The following RFX3 variants were observed in gnomAD, a reference collection of about 807,000 sequenced individuals.
The protein encoded by RFX3 is regulatory factor X3.
RFX3 carries 14 observed loss-of-function variants against 98.6 expected under a neutral mutation model. The observed-to-expected ratio is 0.14, with a 90% CI of 0.09 to 0.22. The LOEUF (loss-of-function observed/expected upper bound fraction) is 0.22. RFX3 is among the 10% of genes least tolerant of loss of function. RFX3 has a pLI of 1.00. For synonymous variants in RFX3, 383 were observed against 328.4 expected (o/e 1.17, Z -1.80); for missense variants, 639 against 926.9 (o/e 0.69, Z 4.03).
intron 15 of RFX3, chr9:3,247,479 G>T: frequency 2.9e-6 from 2 of 685,560 alleles, no homozygotes; most frequent in Non-Finnish European, 3.7e-6. Flanking sequence ...TTGTAAAACA[G>T]AATAAAGTAG....
At chr9:3,515,683 C>T (rs974009995) in intron 1 of RFX3, among the ~76,000 whole-genome samples, 1 of 152,174 alleles carries the variant, frequency 6.6e-6, no homozygotes, top group Non-Finnish European at 1.5e-5. Flanking sequence ...AGCAAAGAAT[C>T]TCTAAAATGG....
intron 4 of RFX3, among the ~76,000 whole-genome samples, chr9:3,302,872 A>G (rs947590458): frequency 6.6e-6 from 1 of 151,884 alleles, no homozygotes; most frequent in African/African-American, 2.4e-5. Context: ...TTAGAAGTTA[A>G]TAGCTTTAAT....
chr9:3,422,370 G>A (rs1339678425), intron 1 of RFX3, among the ~76,000 whole-genome samples: 4 of 152,196 alleles, frequency 2.6e-5, no homozygotes, highest in Non-Finnish European at 1.5e-5. Context: ...AAGTTCACAT[G>A]TGTGTGTATT....
Position 3,277,406 on chromosome 9 carries a change from G to C in RFX3, c.907C>G (p.Gln303Glu). ...GVADGFTGSG[Q>E]QTGTSVEQTV... The stretch of plus-strand genomic sequence containing the variant: ...TGCTCAACAGATGTGCCTGTCTGTT[G>C]ACCACTTCCTGTGAAACCATCTGCA... The change falls in exon 8 of 17, where the codon CAA becomes GAA. Residue 303 changes from glutamine (Q) to glutamate (E), a missense_variant. Physicochemically the swap from Gln to Glu is conservative, Grantham distance 29. Around this residue, in one of 9 missense-constraint regions of RFX3, gnomAD observed 86 missense variants for 113.2 expected, o/e 0.76. Transcript: ENST00000617270. 1 of 1,612,496 alleles carries C rather than the reference G, an allele frequency of 6.2e-7. No individual in the cohort carries two copies.
intron 9 of RFX3, 55 bp downstream of exon 9, chr9:3,275,445 G>T: frequency 3.1e-6 from 3 of 974,502 alleles, no homozygotes; most frequent in Non-Finnish European, 4.9e-6. Flanking sequence ...TTTTATATTA[G>T]CAAGTTATCT....
chr9:3,244,361 T>C (rs1820355685), intron 15 of RFX3, among the ~76,000 whole-genome samples: 1 of 152,184 alleles, frequency 6.6e-6, no homozygotes, highest in Non-Finnish European at 1.5e-5. Context: ...TATAGATCTG[T>C]GGTGAGTTAT....
intron 2 of RFX3, among the ~76,000 whole-genome samples, chr9:3,351,728 C>A (rs1358986397): frequency 6.6e-6 from 1 of 151,740 alleles, no homozygotes. Flanking sequence ...TAAACATAAT[C>A]AGATAACTTC....
At position 3,422,675 on chromosome 9, in the gene RFX3, C is replaced by T. The variant is rs995323340; in HGVS notation, c.-8-27079G>A. Reference sequence around the variant, plus strand: ...TATTTTACAGTTTTGTCCAATTTAGCTACTAGCTTGAATGGTAAATAATAT... The same window carrying T: ...TATTTTACAGTTTTGTCCAATTTAGTTACTAGCTTGAATGGTAAATAATAT... On this transcript the variant is annotated intron_variant, in intron 1 of 16. Transcript: ENST00000617270. 2.6e-5 allele frequency among the ~76,000 whole-genome samples: 4 copies of T among 152,128 alleles called. No individual in the cohort carries two copies. In the South Asian group the frequency reaches 8.3e-4, roughly 31 times the overall value.
At chr9:3,340,861 C>T (rs1218843251) in intron 3 of RFX3, among the ~76,000 whole-genome samples, 2 of 152,146 alleles carry the variant, frequency 1.3e-5, no homozygotes, top group East Asian at 1.9e-4. Flanking sequence ...CCTCAGGGAT[C>T]TAGAACTAGA....
chr9:3,353,380 G>T (rs1217283105), intron 2 of RFX3, among the ~76,000 whole-genome samples: 1 of 151,952 alleles, frequency 6.6e-6, no homozygotes, highest in African/African-American at 2.4e-5. Context: ...AAGAAATGGG[G>T]AGGCTTAATG....
intron 3 of RFX3, among the ~76,000 whole-genome samples, chr9:3,346,023 T>G (rs3012671): frequency 0.017 from 2,524 of 152,272 alleles, 72 homozygotes; most frequent in African/African-American, 0.057. Flanking sequence ...AAACCCAATT[T>G]GGAAACAATC....
intron 1 of RFX3, among the ~76,000 whole-genome samples, chr9:3,464,886 T>C (rs892294425): frequency 6.6e-6 from 1 of 152,154 alleles, no homozygotes; most frequent in African/African-American, 2.4e-5. Flanking sequence ...TTTGTTAGAT[T>C]TGAACACATA....
intron 1 of RFX3, among the ~76,000 whole-genome samples, chr9:3,428,631 C>T (rs1337662424): frequency 5.3e-5 from 8 of 152,126 alleles, no homozygotes; most frequent in Admixed American, 5.2e-4. Context: ...TCTGAATTCT[C>T]ATTTCCCAAT....
chr9:3,346,902 G>T, intron 2 of RFX3, 138 bp from the exon 3 acceptor site: 1 of 636,286 alleles, frequency 1.6e-6, no homozygotes, highest in Non-Finnish European at 2.9e-6. Flanking sequence ...TTAGATTCAT[G>T]TCATAGTTTC....
chr9:3,498,026 T>C (rs983103117), intron 1 of RFX3, among the ~76,000 whole-genome samples: 1 of 152,052 alleles, frequency 6.6e-6, no homozygotes, highest in African/African-American at 2.4e-5. Context: ...TTACAGCTTA[T>C]TGCTGTCAAA....
intron 1 of RFX3, among the ~76,000 whole-genome samples, chr9:3,444,485 T>A (rs7851841): frequency 0.1 from 15,594 of 152,108 alleles, 1,109 homozygotes; most frequent in Non-Finnish European, 0.15. Flanking sequence ...GGGGCGATAG[T>A]ATATACACTA....
At chr9:3,278,551 T>C (rs1456988552) in intron 7 of RFX3, among the ~76,000 whole-genome samples, 1 of 151,790 alleles carries the variant, frequency 6.6e-6, no homozygotes, top group East Asian at 1.9e-4. Context: ...TAATATGAAG[T>C]TACTATGAAT....
chr9:3,512,625 C>G (rs889465559), intron 1 of RFX3, among the ~76,000 whole-genome samples: 2 of 151,814 alleles, frequency 1.3e-5, no homozygotes, highest in African/African-American at 4.8e-5. Flanking sequence ...TAGAAATAGT[C>G]AAACCTCATA....
chr9:3,493,693 A>AT (rs1180146207), intron 1 of RFX3, among the ~76,000 whole-genome samples: 7 of 123,206 alleles, frequency 5.7e-5, no homozygotes, highest in African/African-American at 2.3e-4. Context: ...AAAAAAAAAA[A>AT]AAAAAAAATA....
Sources: gnomAD v4.1 joint callset for allele counts (sites outside exome capture counted in the v4.1 genomes callset) on GRCh38, gnomAD v4.1.1 for gene constraint, gnomAD v4.1.1 regional missense constraint, MANE v1.5 for transcripts, NCBI Gene and HGNC (gene_info 2026-07-23, HGNC 2026-07-21) for gene names.